The following GRID2 variants were observed in gnomAD, a reference collection of about 807,000 sequenced individuals.
GRID2 encodes glutamate receptor ionotropic, delta-2.
GRID2 carries 33 observed loss-of-function variants against 114.8 expected under a neutral mutation model. The ratio of observed to expected loss-of-function variants is 0.29; its 90% CI spans 0.22 to 0.38. The LOEUF is 0.38. GRID2 is among the 10% of genes least tolerant of loss of function. The pLI, the probability that GRID2 is intolerant of heterozygous loss-of-function variation, is 1.00. For missense variants in GRID2, 1,184 were observed against 1,257.7 expected (o/e 0.94, Z 0.89); for synonymous variants, 505 against 449.9 (o/e 1.12, Z -1.55).
At chr4:92,797,007 T>C (rs1739912100) in intron 2 of GRID2, among the ~76,000 whole-genome samples, 1 of 151,966 alleles carries the variant, frequency 6.6e-6, no homozygotes, top group Non-Finnish European at 1.5e-5. Context: ...TTAATTTTCA[T>C]TTCTTTTTTT....
intron 8 of GRID2, among the ~76,000 whole-genome samples, chr4:93,294,936 T>G (rs1271103985): frequency 6.6e-6 from 1 of 152,130 alleles, no homozygotes; most frequent in Non-Finnish European, 1.5e-5. Context: ...TATTTGTTAA[T>G]TTATCGGATA....
At chr4:93,239,185 T>G (rs978996666) in intron 8 of GRID2, among the ~76,000 whole-genome samples, 4 of 132,766 alleles carry the variant, frequency 3.0e-5, no homozygotes, top group African/African-American at 1.1e-4. Flanking sequence ...TATATATATA[T>G]AGCAAATCCA....
Position 93,188,812 on chromosome 4 carries a change from C to T in GRID2, c.736-18592C>T, listed in dbSNP as rs1249227482. Among the ~76,000 whole-genome samples, 4 of 152,146 alleles carry T rather than the reference C, an allele frequency of 2.6e-5. No homozygotes were observed. The East Asian group carries it at 7.7e-4, about 29-fold the overall frequency. On this transcript the variant is annotated intron_variant, in intron 4 of 15. Transcript: ENST00000282020. Reference sequence around the variant, plus strand: ...CAGTGCTTGTAAGTTTCACCTTCCACGAAACCCTGGGACACGATTCAGTCA... The same window carrying T: ...CAGTGCTTGTAAGTTTCACCTTCCATGAAACCCTGGGACACGATTCAGTCA...
At chr4:92,333,545 T>G (rs555220745) in intron 1 of GRID2, among the ~76,000 whole-genome samples, 11 of 152,294 alleles carry the variant, frequency 7.2e-5, no homozygotes, top group African/African-American at 2.6e-4. Flanking sequence ...TAAATAAGCC[T>G]TTTTCATCTT....
At chr4:93,345,425 G>A (rs977496207) in intron 8 of GRID2, among the ~76,000 whole-genome samples, 2 of 151,896 alleles carry the variant, frequency 1.3e-5, no homozygotes, top group Non-Finnish European at 2.9e-5. Context: ...TCATACCCCT[G>A]TTGGCCATTT....
rs1438273520 is a variant in GRID2, at chr4:92,875,495, G to A, written c.245-209500G>A. Among the ~76,000 whole-genome samples, 4 of 152,248 alleles carry A rather than the reference G, an allele frequency of 2.6e-5. No homozygotes were observed. The East Asian group carries it at 7.7e-4, about 29-fold the overall frequency. On this transcript the variant is annotated intron_variant, in intron 2 of 15. Coordinates refer to ENST00000282020, the MANE Select transcript of GRID2 (RefSeq NM_001510.4). ...ATTTTTTCATAAGCAAGGTTGTAAA[G>A]TTAAGGTTCAATACAACACATTTGG...
At chr4:92,507,441 T>G (rs1022907390) in intron 1 of GRID2, among the ~76,000 whole-genome samples, 9 of 123,146 alleles carry the variant, frequency 7.3e-5, no homozygotes, top group Middle Eastern at 4.5e-3. Context: ...GTGTGTGTGT[T>G]TGTGTGTATG....
chr4:93,133,018 T>G (rs1422400940), intron 4 of GRID2, among the ~76,000 whole-genome samples: 1 of 152,230 alleles, frequency 6.6e-6, no homozygotes, highest in Admixed American at 6.5e-5. Context: ...TTGCTGTTCA[T>G]GTTTTGAGGT....
intron 14 of GRID2, among the ~76,000 whole-genome samples, chr4:93,752,849 T>G (rs1293078321): frequency 6.6e-6 from 1 of 152,202 alleles, no homozygotes. Flanking sequence ...TTGCACATTG[T>G]TTTGCAGGTA....
rs1420357432 is a variant in GRID2, at chr4:93,242,181, A to G, written c.1245+3691A>G. On this transcript the variant is annotated intron_variant, in intron 8 of 15. Transcript: ENST00000282020. ...GCTTGGAGAAATAGGAGGCAAGATT[A>G]TCTTCTAATTGGGAAAATGCAGCAG... is the stretch of plus-strand genomic sequence containing the variant. Among the ~76,000 whole-genome samples the G allele has an allele frequency of 3.9e-5, 6 of 151,958 alleles. 1 individual carries two copies. The highest frequency in any genetic ancestry group is 1.4e-4 in the African/African-American group (6 of 41,438).
chr4:92,689,321 C>T lies in GRID2; in HGVS notation c.244+99035C>T, dbSNP rs1016366831. Among the ~76,000 whole-genome samples, 2 of 152,158 alleles carry T rather than the reference C, an allele frequency of 1.3e-5. 1 individual carries two copies. The highest frequency in any genetic ancestry group is 4.1e-4 in the South Asian group (2 of 4,832). ...ACTTCTCCTCTCTAGCTATGGAAGT[C>T]CTAGATGGCGTCTTCTTCCAATATA... On this transcript the variant is annotated intron_variant, in intron 2 of 15. Transcript: ENST00000282020.
intron 1 of GRID2, among the ~76,000 whole-genome samples, chr4:92,515,829 C>T (rs1439876032): frequency 6.6e-6 from 1 of 151,898 alleles, no homozygotes; most frequent in Non-Finnish European, 1.5e-5. Context: ...ATGTTACCTA[C>T]ATTTTGTGAC....
intron 9 of GRID2, among the ~76,000 whole-genome samples, chr4:93,420,300 A>T (rs1417984586): frequency 6.6e-6 from 1 of 152,176 alleles, no homozygotes; most frequent in East Asian, 1.9e-4. Flanking sequence ...TGGTCTGTGA[A>T]TTTGATCTTT....
intron 4 of GRID2, among the ~76,000 whole-genome samples, chr4:93,198,557 A>G (rs1483493747): frequency 1.3e-5 from 2 of 152,174 alleles, no homozygotes; most frequent in African/African-American, 4.8e-5. Flanking sequence ...TGGCCCTCAC[A>G]GCCACTTACA....
intron 14 of GRID2, among the ~76,000 whole-genome samples, chr4:93,680,319 A>T (rs1725385589): frequency 6.6e-6 from 1 of 151,984 alleles, no homozygotes; most frequent in Admixed American, 6.6e-5. Flanking sequence ...CCAGGACCAG[A>T]TGGATTCACA....
chr4:92,452,735 T>C (rs914856587), intron 1 of GRID2, among the ~76,000 whole-genome samples: 1 of 151,658 alleles, frequency 6.6e-6, no homozygotes, highest in African/African-American at 2.4e-5. Context: ...TATTTGGAAG[T>C]ACTTAATAAT....
intron 2 of GRID2, among the ~76,000 whole-genome samples, chr4:93,077,818 G>C (rs930263472): frequency 5.3e-5 from 8 of 152,030 alleles, no homozygotes; most frequent in African/African-American, 1.9e-4. Context: ...CAGGCTATTG[G>C]GAAAAGGCCT....
In GRID2 at chr4:92,701,980, A is replaced by T. The variant is rs145024441; in HGVS notation, c.244+111694A>T. ...ATAAGTTACCCTAGGATAACAGCGC[A>T]ATCCTATTCTAGAGTCCATATTGAC... On this transcript the variant is annotated intron_variant, in intron 2 of 15. Transcript: ENST00000282020. Among the ~76,000 whole-genome samples the T allele has an allele frequency of 1.4e-3, 214 of 152,236 alleles. 2 individuals are homozygous for T. The highest frequency in any genetic ancestry group is 4.8e-3 in the African/African-American group (198 of 41,542).
chr4:92,911,406 T>TA (rs1393609100), intron 2 of GRID2, among the ~76,000 whole-genome samples: 1 of 152,026 alleles, frequency 6.6e-6, no homozygotes, highest in African/African-American at 2.4e-5. Flanking sequence ...AAGGACAACT[T>TA]ACCTGTGTAA....
Sources: allele counts gnomAD v4.1 joint callset (sites outside exome capture counted in the v4.1 genomes callset), GRCh38; gene constraint gnomAD v4.1.1; transcripts MANE v1.5; gene names NCBI Gene and HGNC (gene_info 2026-07-23, HGNC 2026-07-21).